The following PRKAA2 variants were observed in gnomAD, a reference collection of about 807,000 sequenced individuals.
PRKAA2 encodes protein kinase AMP-activated catalytic subunit alpha 2, also known as 5'-AMP-activated protein kinase catalytic subunit alpha-2.
A neutral mutation model predicts 56.3 loss-of-function variants in PRKAA2; 40 were observed. The observed-to-expected ratio is 0.71, with a 90% CI of 0.55 to 0.92. The LOEUF is 0.92. Ranked by LOEUF, PRKAA2 falls within the 40% of genes least tolerant of loss-of-function variation. The pLI is 0.00. For missense variants in PRKAA2, 542 were observed against 686.9 expected (o/e 0.79, Z 2.36); for synonymous variants, 214 against 234.2 (o/e 0.91, Z 0.79).
rs1456672321 is a variant in PRKAA2, at chr1:56,695,200, ATATT to A, written c.564-733_564-730del. On this transcript the variant is annotated intron_variant, in intron 5 of 8. Coordinates refer to ENST00000371244, the MANE Select transcript of PRKAA2 (RefSeq NM_006252.4). ...TGATATATTATATATATATATATAT[ATATT>A]TTTTGTTTTGAGATAGAGTCTCGCT... Among the ~76,000 whole-genome samples the A allele has an allele frequency of 3.1e-4, 38 of 120,774 alleles. 1 individual carries two copies. In the South Asian group the frequency reaches 8.4e-3, roughly 27 times the overall value. The allele number at this position is 120,774 out of a possible 152,430, so 79.2% of individuals were successfully genotyped here.
At chr1:56,657,546 C>T (rs1481170325) in intron 1 of PRKAA2, among the ~76,000 whole-genome samples, 6 of 151,990 alleles carry the variant, frequency 3.9e-5, no homozygotes, top group Non-Finnish European at 8.8e-5. Context: ...TGTGGTAGCA[C>T]ACATCTGTAA....
intron 1 of PRKAA2, among the ~76,000 whole-genome samples, chr1:56,660,442 A>G (rs1643985035): frequency 6.6e-6 from 1 of 152,164 alleles, no homozygotes; most frequent in Non-Finnish European, 1.5e-5. Flanking sequence ...GATCCATACA[A>G]AGGCCACAGC....
rs1056871380 is a variant in PRKAA2 at position 56,708,936 on chromosome 1, T to C, written c.*1223T>C. 6.6e-6 allele frequency: 1 copy of C among 152,102 alleles called. No homozygotes were observed. Among genetic ancestry groups the C allele is most frequent in the Non-Finnish European group, 1.5e-5 (1 of 68,004 alleles). The allele number at this position is 152,102 out of a possible 1,614,324, so 9.4% of individuals were successfully genotyped here. A position where few individuals can be genotyped will look rare whatever the true frequency, so the allele number is the denominator to read the frequency against. ...AGTGCTTTTAAGCAAAAACCAGTTTTTTTGTTTGTTTGTTTTGCTTTGTGC... is the reference window on the plus strand; with the variant it reads ...AGTGCTTTTAAGCAAAAACCAGTTTCTTTGTTTGTTTGTTTTGCTTTGTGC... On this transcript the variant is annotated 3_prime_UTR_variant, in exon 9 of 9. Transcript: ENST00000371244.
chr1:56,707,860 G>A lies in PRKAA2; in HGVS notation c.*147G>A. On this transcript the variant is annotated 3_prime_UTR_variant, in exon 9 of 9. Transcript: ENST00000371244. The stretch of plus-strand genomic sequence containing the variant: ...GGCACACAATGCTATTGAAATTACT[G>A]AAAACAAAATATCTGACATCTTATT... 1.3e-6 allele frequency: 1 copy of A among 755,600 alleles called. No individual in the cohort carries two copies. The highest frequency in any genetic ancestry group is 2.1e-6 in the Non-Finnish European group (1 of 470,938). The allele number at this position is 755,600 out of a possible 1,614,324, so 46.8% of individuals were successfully genotyped here.
At chr1:56,674,751 G>A (rs1192438212) in intron 2 of PRKAA2, among the ~76,000 whole-genome samples, 1 of 151,672 alleles carries the variant, frequency 6.6e-6, no homozygotes, top group Non-Finnish European at 1.5e-5. Context: ...TTCTAAATTA[G>A]TACTCAATTT....
rs1056430349 is a variant in PRKAA2 at position 56,713,480 on chromosome 1, A to C, written c.*5767A>C. On this transcript the variant is annotated 3_prime_UTR_variant, in exon 9 of 9. Coordinates refer to ENST00000371244, the MANE Select transcript of PRKAA2 (RefSeq NM_006252.4). ...TGGACAAGCAGGGTAGGTAAATTTC[A>C]ATTACGTTTGAAGTGTAATTAAATC... The C allele has an allele frequency of 1.3e-5, 2 of 152,112 alleles. No individual in the cohort carries two copies. Among genetic ancestry groups the C allele is most frequent in the Non-Finnish European group, 2.9e-5 (2 of 68,018 alleles). 9.4% of individuals were successfully genotyped at this position (152,112 alleles called of 1,614,324 possible). A position where few individuals can be genotyped will look rare whatever the true frequency, so the allele number is the denominator to read the frequency against.
chr1:56,677,728 C>T (rs1305881173), intron 2 of PRKAA2, among the ~76,000 whole-genome samples: 1 of 151,144 alleles, frequency 6.6e-6, no homozygotes, highest in Non-Finnish European at 1.5e-5. Context: ...GCAATCTTGG[C>T]TCACTGCAAC....
chr1:56,697,465 G>A (rs555814069), intron 6 of PRKAA2, among the ~76,000 whole-genome samples: 11 of 152,096 alleles, frequency 7.2e-5, no homozygotes, highest in Non-Finnish European at 1.2e-4. Flanking sequence ...TCTTTTCCCA[G>A]CCTTTCTTCA....
Position 56,714,418 on chromosome 1 carries a change from T to C in PRKAA2, c.*6705T>C, listed in dbSNP as rs909457530. 6.6e-6 allele frequency: 1 copy of C among 152,128 alleles called. No homozygotes were observed. The highest frequency in any genetic ancestry group is 1.5e-5 in the Non-Finnish European group (1 of 67,988). The allele number at this position is 152,128 out of a possible 1,614,324, so 9.4% of individuals were successfully genotyped here. ...CCCACATTCAATGTAAATTCCTTTT[T>C]TTAAAAAAAATAAGTATCTTTGATA... is the stretch of plus-strand genomic sequence containing the variant. On this transcript the variant is annotated 3_prime_UTR_variant, in exon 9 of 9. Coordinates refer to ENST00000371244, the MANE Select transcript of PRKAA2 (RefSeq NM_006252.4).
At chr1:56,676,675 C>T (rs149631531) in intron 2 of PRKAA2, among the ~76,000 whole-genome samples, 1 of 152,270 alleles carries the variant, frequency 6.6e-6, no homozygotes, top group African/African-American at 2.4e-5. Flanking sequence ...AATGGCTGGT[C>T]CAATTATTGT....
intron 6 of PRKAA2, among the ~76,000 whole-genome samples, chr1:56,702,552 T>C (rs948381499): frequency 1.3e-5 from 2 of 152,258 alleles, no homozygotes; most frequent in African/African-American, 2.4e-5. Flanking sequence ...TAGAAATATC[T>C]GATTTCATTT....
At chr1:56,647,198 G>A (rs945215651) in intron 1 of PRKAA2, among the ~76,000 whole-genome samples, 2 of 152,192 alleles carry the variant, frequency 1.3e-5, no homozygotes, top group East Asian at 3.8e-4. Context: ...GATGAATACA[G>A]GACAATCCAG....
chr1:56,697,245 A>G (rs768089928), intron 6 of PRKAA2, among the ~76,000 whole-genome samples: 35 of 151,562 alleles, frequency 2.3e-4, no homozygotes, highest in Non-Finnish European at 4.4e-4. Context: ...GCTGGTCTTG[A>G]ACTTCTGGGC....
chr1:56,658,963 T>C (rs1245620036), intron 1 of PRKAA2, among the ~76,000 whole-genome samples: 1 of 150,900 alleles, frequency 6.6e-6, no homozygotes, highest in Non-Finnish European at 1.5e-5. Context: ...CCCGGCTAAT[T>C]TTTAATTTTT....
intron 1 of PRKAA2, among the ~76,000 whole-genome samples, chr1:56,654,756 T>C (rs914883601): frequency 6.6e-6 from 1 of 152,166 alleles, no homozygotes; most frequent in Non-Finnish European, 1.5e-5. Flanking sequence ...GAAGCCTTCT[T>C]CACCCCTTCA....
intron 1 of PRKAA2, among the ~76,000 whole-genome samples, chr1:56,659,251 T>G (rs1045097092): frequency 2.0e-4 from 30 of 151,742 alleles, no homozygotes; most frequent in African/African-American, 7.3e-4. Flanking sequence ...TCCTAGCACT[T>G]AGGGAGGCCG....
chr1:56,674,865 A>G (rs1217021068), intron 2 of PRKAA2, among the ~76,000 whole-genome samples: 2 of 152,072 alleles, frequency 1.3e-5, no homozygotes, highest in African/African-American at 2.4e-5. Context: ...CAGGGCTTTG[A>G]CATTTCTAGA....
intron 1 of PRKAA2, among the ~76,000 whole-genome samples, chr1:56,646,335 G>A (rs1646642214): frequency 6.6e-6 from 1 of 152,150 alleles, no homozygotes; most frequent in South Asian, 2.1e-4. Context: ...GAGAGAAAAA[G>A]TTTCCTTGGT....
chr1:56,679,445 G>A (rs1158076994), intron 2 of PRKAA2, among the ~76,000 whole-genome samples: 3 of 152,106 alleles, frequency 2.0e-5, no homozygotes, highest in South Asian at 2.1e-4. Flanking sequence ...TGGAGGGTGT[G>A]GTGGGAGAGT....
Sources: gnomAD v4.1 joint callset for allele counts (sites outside exome capture counted in the v4.1 genomes callset) on GRCh38, gnomAD v4.1.1 for gene constraint, MANE v1.5 for transcripts, NCBI Gene and HGNC (gene_info 2026-07-23, HGNC 2026-07-21) for gene names.